EXOC2: variants seen among roughly 807,000 people sequenced by gnomAD.
EXOC2 encodes the protein exocyst complex component 2.
In EXOC2, 70 loss-of-function variants were observed where a neutral mutation model predicts 131.8. The observed-to-expected ratio is 0.53, with a 90% confidence interval of 0.44 to 0.65. EXOC2 has a LOEUF of 0.65. Ranked by LOEUF, EXOC2 falls within the 30% of genes least tolerant of loss-of-function variation. EXOC2 has a pLI of 0.00. For synonymous variants in EXOC2, 411 were observed against 398.4 expected (o/e 1.03, Z -0.38); for missense variants, 923 against 1,108.6 (o/e 0.83, Z 2.38).
At chr6:487,477 G>A (rs189775005) in intron 27 of EXOC2, among the ~76,000 whole-genome samples, 4 of 152,198 alleles carry the variant, frequency 2.6e-5, no homozygotes, top group Non-Finnish European at 5.9e-5. Context: ...CGCGATTTCG[G>A]CTCACTGCAA....
Position 573,783 on chromosome 6 carries a change from A to G in EXOC2, c.1319-1139T>C, listed in dbSNP as rs577175864. On this transcript the variant is annotated intron_variant, in intron 12 of 27. Transcript: ENST00000230449. ...ACATGGTTAGAAAATGACACCTGAA[A>G]GGTACACAGTGAAAAGTCTACCTCC... Among the ~76,000 whole-genome samples the G allele has an allele frequency of 5.3e-5, 8 of 152,252 alleles. No individual in the cohort carries two copies. In the South Asian group the frequency reaches 1.7e-3, roughly 32 times the overall value.
chr6:527,916 CTTAT>C (rs1765842454), intron 23 of EXOC2, among the ~76,000 whole-genome samples: 1 of 151,716 alleles, frequency 6.6e-6, no homozygotes, highest in African/African-American at 2.4e-5. Context: ...ATACTTTTTT[CTTAT>C]TTAATGTTTC....
chr6:544,886 G>A (rs62388793), intron 22 of EXOC2, among the ~76,000 whole-genome samples: 9,119 of 152,132 alleles, frequency 0.06, 342 homozygotes, highest in Middle Eastern at 0.11. Context: ...GGTGGCTCAC[G>A]CCTGTAATCC....
chr6:652,706 G>C (rs1762887173), intron 1 of EXOC2, among the ~76,000 whole-genome samples: 1 of 152,146 alleles, frequency 6.6e-6, no homozygotes, highest in Non-Finnish European at 1.5e-5. Flanking sequence ...CGGGGCTGGG[G>C]GTGGGGAAGG....
chr6:552,762 A>T (rs1418906782), intron 21 of EXOC2, among the ~76,000 whole-genome samples: 1 of 151,972 alleles, frequency 6.6e-6, no homozygotes, highest in Non-Finnish European at 1.5e-5. Context: ...ACCAAACTAT[A>T]TTTTTTCTAA....
chr6:596,408 C>G (rs72835954), intron 10 of EXOC2, among the ~76,000 whole-genome samples: 1 of 151,838 alleles, frequency 6.6e-6, no homozygotes, highest in African/African-American at 2.4e-5. Flanking sequence ...CTTGCTGTCA[C>G]CCAGGCTCGA....
At chr6:604,661 C>G (rs372474725) in intron 7 of EXOC2, among the ~76,000 whole-genome samples, 16 of 152,272 alleles carry the variant, frequency 1.1e-4, no homozygotes, top group East Asian at 9.7e-4. Context: ...CACAGCCACA[C>G]TGGACCCTGC....
rs59237301 is a variant in EXOC2 at position 603,353 on chromosome 6, G to A, written c.743-4128C>T. Among the ~76,000 whole-genome samples, 600 of 152,244 alleles carry A rather than the reference G, an allele frequency of 3.9e-3. 3 individuals are homozygous for A. Among genetic ancestry groups the A allele is most frequent in the African/African-American group, 0.013 (555 of 41,536 alleles). Reference sequence around the variant, plus strand: ...CTAGAAAATGACGAGATAGGCTGCCGGCTATACCATAACGATGCTATACGG... The same window carrying A: ...CTAGAAAATGACGAGATAGGCTGCCAGCTATACCATAACGATGCTATACGG... On this transcript the variant is annotated intron_variant, in intron 7 of 27. Coordinates refer to ENST00000230449, the MANE Select transcript of EXOC2 (RefSeq NM_018303.6).
chr6:496,123 C>T (rs1763721455), intron 25 of EXOC2, among the ~76,000 whole-genome samples: 1 of 152,174 alleles, frequency 6.6e-6, no homozygotes, highest in Admixed American at 6.5e-5. Flanking sequence ...GTTTCCTTTA[C>T]ATCATCTGAT....
chr6:555,183 A>T (rs1757353762), intron 20 of EXOC2, 44 bp downstream of exon 20: 1 of 1,180,502 alleles, frequency 8.5e-7, no homozygotes, highest in African/African-American at 1.5e-5. Flanking sequence ...TGTATTTTTA[A>T]TTCTCTTAAA....
At chr6:676,400 T>A (rs9392103) in intron 1 of EXOC2, among the ~76,000 whole-genome samples, 1 of 170 alleles carries the variant, frequency 5.9e-3, no homozygotes, top group Non-Finnish European at 0.011. Context: ...GTTCCTCTGG[T>A]GACTCTGCGG....
intron 1 of EXOC2, chr6:656,817 G>A (rs1337786826): frequency 1.2e-6 from 2 of 1,609,384 alleles, no homozygotes; most frequent in Admixed American, 1.7e-5. Context: ...GGAACCCGCG[G>A]GGCCGAAGCA....
intron 23 of EXOC2, among the ~76,000 whole-genome samples, chr6:501,942 C>G (rs1764227764): frequency 6.6e-6 from 1 of 151,962 alleles, no homozygotes; most frequent in South Asian, 2.1e-4. Flanking sequence ...ACGAACTCGT[C>G]TGGAGACCAG....
At chr6:640,968 G>A (rs542555048) in intron 1 of EXOC2, among the ~76,000 whole-genome samples, 1 of 151,674 alleles carries the variant, frequency 6.6e-6, no homozygotes, top group East Asian at 1.9e-4. Context: ...AAAAGAACTA[G>A]ATGCCATGAA....
intron 1 of EXOC2, among the ~76,000 whole-genome samples, chr6:647,953 C>A (rs11963095): frequency 1.3e-5 from 2 of 151,972 alleles, no homozygotes; most frequent in Non-Finnish European, 1.5e-5. Context: ...GTCTTCCAGA[C>A]GCACAAAGCA....
At chr6:622,669 C>A (rs1761352513) in intron 4 of EXOC2, among the ~76,000 whole-genome samples, 1 of 152,204 alleles carries the variant, frequency 6.6e-6, no homozygotes, top group South Asian at 2.1e-4. Context: ...ACGTCATACT[C>A]CACGTGTTTA....
intron 10 of EXOC2, among the ~76,000 whole-genome samples, chr6:595,702 C>T (rs1479181753): frequency 1.3e-5 from 2 of 152,000 alleles, no homozygotes; most frequent in Admixed American, 6.5e-5. Context: ...GCAAGTTTAA[C>T]ATAACAAGTG....
At chr6:581,396 T>C (rs1758894205) in intron 11 of EXOC2, among the ~76,000 whole-genome samples, 1 of 152,090 alleles carries the variant, frequency 6.6e-6, no homozygotes, top group Non-Finnish European at 1.5e-5. Flanking sequence ...AGCACAGTAA[T>C]AAACATACTC....
intron 3 of EXOC2, among the ~76,000 whole-genome samples, chr6:631,858 T>C (rs1761876707): frequency 6.6e-6 from 1 of 152,170 alleles, no homozygotes. Context: ...CACTCTGAAT[T>C]TTCCCTGAAA....
Sources: allele counts gnomAD v4.1 joint callset (sites outside exome capture counted in the v4.1 genomes callset), GRCh38; gene constraint gnomAD v4.1.1; transcripts MANE v1.5; gene names NCBI Gene and HGNC (gene_info 2026-07-23, HGNC 2026-07-21).